Variants in KLHL5 observed in about 807,000 individuals in gnomAD.
The protein encoded by KLHL5 is kelch like family member 5.
Under a neutral mutation model 77.7 loss-of-function variants are expected in KLHL5, and 48 were observed. That is an observed-to-expected ratio of 0.62 (90% CI 0.49 to 0.79). The LOEUF (loss-of-function observed/expected upper bound fraction) is 0.79, where lower values mean the gene tolerates loss of function less well. Among genes scored for constraint, KLHL5 ranks in the 30% least tolerant of loss-of-function variants. The probability of loss-of-function intolerance (pLI) is 0.00; values close to 1 mark genes in which losing one functional copy is unlikely to be tolerated. For missense variants in KLHL5, 723 were observed against 859.7 expected (o/e 0.84, Z 1.99); for synonymous variants, 260 against 297.0 (o/e 0.88, Z 1.28).
intron 1 of KLHL5, among the ~76,000 whole-genome samples, chr4:39,046,865 A>G (rs1475968216): frequency 6.6e-6 from 1 of 152,234 alleles, no homozygotes; most frequent in Non-Finnish European, 1.5e-5. Context: ...TGATCCATTT[A>G]TAACATTTAG....
chr4:39,101,855 A>AT (rs1553892975), intron 6 of KLHL5, among the ~76,000 whole-genome samples: 3 of 124,548 alleles, frequency 2.4e-5, no homozygotes, highest in East Asian at 2.7e-4. Context: ...CAAAAAAAAA[A>AT]AAAAATATAT....
intron 5 of KLHL5, among the ~76,000 whole-genome samples, chr4:39,091,479 T>C (rs1001701039): frequency 6.6e-6 from 1 of 151,874 alleles, no homozygotes; most frequent in African/African-American, 2.4e-5. Context: ...AATACAGACA[T>C]ATATACATTA....
intron 1 of KLHL5, among the ~76,000 whole-genome samples, chr4:39,045,511 TA>T (rs1716114588): frequency 6.6e-6 from 1 of 152,084 alleles, no homozygotes; most frequent in African/African-American, 2.4e-5. Context: ...CTCTCCTTAT[TA>T]CTTGCAGGCA....
At chr4:39,102,859 C>A (rs1005274441) in intron 6 of KLHL5, among the ~76,000 whole-genome samples, 1 of 152,180 alleles carries the variant, frequency 6.6e-6, no homozygotes, top group African/African-American at 2.4e-5. Context: ...GGAACCTCCC[C>A]CTGAAGTCAT....
chr4:39,075,561 A>G (rs766603747), intron 1 of KLHL5, among the ~76,000 whole-genome samples: 2 of 152,184 alleles, frequency 1.3e-5, no homozygotes, highest in Non-Finnish European at 2.9e-5. Flanking sequence ...TTGAATTTGT[A>G]TTTCCAAAAT....
intron 1 of KLHL5, among the ~76,000 whole-genome samples, chr4:39,045,260 G>A (rs1418983005): frequency 6.7e-6 from 1 of 150,338 alleles, no homozygotes; most frequent in African/African-American, 2.4e-5. Context: ...GGGTCCGGAG[G>A]GGCTGGGCCG....
At chr4:39,097,965 T>C (rs940581437) in intron 6 of KLHL5, among the ~76,000 whole-genome samples, 1 of 151,742 alleles carries the variant, frequency 6.6e-6, no homozygotes, top group East Asian at 2.0e-4. Flanking sequence ...ACCCCATCTC[T>C]ATCAAAAATA....
the KLHL5 span, among the ~76,000 whole-genome samples, chr4:39,136,441 T>C: frequency 6.6e-6 from 1 of 152,222 alleles, no homozygotes; most frequent in African/African-American, 2.4e-5. Flanking sequence ...ATTATAGGCG[T>C]GAGCCACCAT....
chr4:39,088,105 C>A (rs1034461696), intron 5 of KLHL5, among the ~76,000 whole-genome samples: 1 of 152,136 alleles, frequency 6.6e-6, no homozygotes, highest in South Asian at 2.1e-4. Flanking sequence ...TTTAAAAATT[C>A]TTTCTAGATG....
At chr4:39,075,860 A>G in intron 1 of KLHL5, 105 bp from the exon 2 acceptor site, 1 of 865,612 alleles carries the variant, frequency 1.2e-6, no homozygotes, top group East Asian at 2.5e-5. Flanking sequence ...GATAGGTAGC[A>G]TTGATTTCTT....
intron 1 of KLHL5, among the ~76,000 whole-genome samples, chr4:39,068,273 GA>G (rs113947688): frequency 1.8e-4 from 26 of 148,018 alleles, no homozygotes; most frequent in Admixed American, 6.0e-4. Flanking sequence ...TTCCTCTAAT[GA>G]AAAAAAAAAT....
intron 1 of KLHL5, among the ~76,000 whole-genome samples, chr4:39,064,910 G>C (rs1399386535): frequency 6.6e-6 from 1 of 151,848 alleles, no homozygotes; most frequent in Admixed American, 6.6e-5. Flanking sequence ...TGCTACTCAA[G>C]AAGACTCATC....
intron 1 of KLHL5, among the ~76,000 whole-genome samples, chr4:39,051,525 G>T (rs1346198966): frequency 6.6e-6 from 1 of 152,206 alleles, no homozygotes; most frequent in Non-Finnish European, 1.5e-5. Flanking sequence ...AATTCAGAAA[G>T]CTTGTTTACT....
intron 2 of KLHL5, among the ~76,000 whole-genome samples, chr4:39,080,466 C>T (rs1399597568): frequency 6.6e-6 from 1 of 150,940 alleles, no homozygotes; most frequent in Admixed American, 6.6e-5. Flanking sequence ...GCAGAGGTTG[C>T]AGTGAGCCGA....
At chr4:39,143,025 G>C in the KLHL5 span, among the ~76,000 whole-genome samples, 3 of 152,010 alleles carry the variant, frequency 2.0e-5, no homozygotes, top group African/African-American at 7.2e-5. Flanking sequence ...TGTGGTAAAA[G>C]TGTATAAAGT....
intron 1 of KLHL5, among the ~76,000 whole-genome samples, chr4:39,069,501 CAT>C (rs1365793876): frequency 6.6e-5 from 9 of 137,076 alleles, no homozygotes; most frequent in Non-Finnish European, 1.2e-4. Context: ...CACACACACA[CAT>C]ACATATTTAT....
At chr4:39,052,320 C>G (rs1163522157) in intron 1 of KLHL5, among the ~76,000 whole-genome samples, 1 of 151,978 alleles carries the variant, frequency 6.6e-6, no homozygotes, top group Non-Finnish European at 1.5e-5. Flanking sequence ...TGGGGTTTCA[C>G]TATTGGCCAG....
At chr4:39,085,736 G>A (rs745384286) in intron 4 of KLHL5, among the ~76,000 whole-genome samples, 8 of 152,108 alleles carry the variant, frequency 5.3e-5, no homozygotes, top group Non-Finnish European at 1.0e-4. Flanking sequence ...GTCATCTTCA[G>A]TCTAATGTCC....
chr4:39,122,695 C>G lies in KLHL5; in HGVS notation c.*1629C>G, dbSNP rs1051424886. Among the ~76,000 whole-genome samples the G allele has an allele frequency of 6.6e-6, 1 of 151,992 alleles. No homozygotes were observed. The highest frequency in any genetic ancestry group is 2.4e-5 in the African/African-American group (1 of 41,374). ...AGGCGTGGTGGCGGGTGCCTGTACGCCCAGCTACTCGGGAGGCTGAGGCGG... is the reference window on the plus strand; with the variant it reads ...AGGCGTGGTGGCGGGTGCCTGTACGGCCAGCTACTCGGGAGGCTGAGGCGG... On this transcript the variant is annotated 3_prime_UTR_variant, in exon 11 of 11. Transcript: ENST00000504108.
Sources: gnomAD v4.1 joint callset for allele counts (sites outside exome capture counted in the v4.1 genomes callset) on GRCh38, gnomAD v4.1.1 for gene constraint, MANE v1.5 for transcripts, NCBI Gene and HGNC (gene_info 2026-07-23, HGNC 2026-07-21) for gene names.